EXD3: variants seen among roughly 807,000 people sequenced by gnomAD.
EXD3 encodes exonuclease mut-7 homolog.
In EXD3, 92 loss-of-function variants were observed where a neutral mutation model predicts 98.0. The ratio of observed to expected loss-of-function variants is 0.94; its 90% CI spans 0.79 to 1.12. The LOEUF is 1.12. EXD3 is among the 50% of genes most tolerant of loss of function. The probability of loss-of-function intolerance (pLI) is 0.00; values close to 1 mark genes in which losing one functional copy is unlikely to be tolerated. For synonymous variants in EXD3, 569 were observed against 526.0 expected (o/e 1.08, Z -1.12); for missense variants, 1,222 against 1,191.6 (o/e 1.03, Z -0.38).
rs1047092594 is a variant in EXD3, at chr9:137,366,368, C to A, written c.656+125G>T. 4 of 1,388,814 alleles carry A rather than the reference C, an allele frequency of 2.9e-6. No homozygotes were observed. The Admixed American group carries it at 6.0e-5, about 21-fold the overall frequency. 86.0% of individuals were successfully genotyped at this position (1,388,814 alleles called of 1,614,324 possible). A position where few individuals can be genotyped will look rare whatever the true frequency, so the allele number is the denominator to read the frequency against. On this transcript the variant is annotated intron_variant, in intron 7 of 21. Coordinates refer to ENST00000340951, the MANE Select transcript of EXD3 (RefSeq NM_017820.5). ...AGCTGCAGTCACATGGCAGCTGTGA[C>A]CCAAACACCAGAACTTCCTGGGGAG...
chr9:137,399,091 G>A (rs966719875), intron 1 of EXD3, among the ~76,000 whole-genome samples: 4 of 152,218 alleles, frequency 2.6e-5, no homozygotes, highest in African/African-American at 7.2e-5. Context: ...CATGACACAC[G>A]CACACTGCAC....
chr9:137,372,630 G>T (rs576214566), intron 5 of EXD3, among the ~76,000 whole-genome samples: 1 of 152,350 alleles, frequency 6.6e-6, no homozygotes, highest in East Asian at 1.9e-4. Flanking sequence ...TGAGGGCCCA[G>T]TGCATGCTGG....
intron 19 of EXD3, among the ~76,000 whole-genome samples, chr9:137,311,294 G>T (rs1226376594): frequency 6.6e-6 from 1 of 152,240 alleles, no homozygotes; most frequent in African/African-American, 2.4e-5. Flanking sequence ...GGTCCAGCAG[G>T]CTTCCTGGGC....
chr9:137,367,877 A>C, intron 6 of EXD3, 59 bp downstream of exon 6: 1 of 1,526,016 alleles, frequency 6.6e-7, no homozygotes, highest in Non-Finnish European at 9.0e-7. Flanking sequence ...CACTGTTTAT[A>C]GAGACCTGGG....
intron 17 of EXD3, among the ~76,000 whole-genome samples, chr9:137,331,593 A>C (rs1833065260): frequency 6.6e-6 from 1 of 152,152 alleles, no homozygotes; most frequent in South Asian, 2.1e-4. Context: ...TGCACAAATC[A>C]GTAGCACAAC....
intron 1 of EXD3, among the ~76,000 whole-genome samples, chr9:137,413,189 C>A (rs544505461): frequency 3.3e-5 from 5 of 152,210 alleles, no homozygotes; most frequent in African/African-American, 1.2e-4. Context: ...GTCACCATCA[C>A]CACTATCCAA....
intron 10 of EXD3, chr9:137,353,651 C>T (rs1028768347): frequency 9.1e-6 from 9 of 985,688 alleles, no homozygotes; most frequent in South Asian, 9.4e-5. Context: ...TACAGGCCTG[C>T]GGGACCCTCA....
rs145569417 is a variant in EXD3 at position 137,326,693 on chromosome 9, A to G, written c.1999-2550T>C. Among the ~76,000 whole-genome samples the G allele has an allele frequency of 4.4e-3, 674 of 152,310 alleles. 4 individuals are homozygous for G. Among genetic ancestry groups the G allele is most frequent in the African/African-American group, 0.016 (646 of 41,562 alleles). On this transcript the variant is annotated intron_variant, in intron 17 of 21. Coordinates refer to ENST00000340951, the MANE Select transcript of EXD3 (RefSeq NM_017820.5). ...CCATTAGGGTGGCCTTTATAAAAAAAAAGGGAAATAAATGTTGGTGGGATG... is the reference window on the plus strand; with the variant it reads ...CCATTAGGGTGGCCTTTATAAAAAAGAAGGGAAATAAATGTTGGTGGGATG...
In EXD3 at chr9:137,385,753, T is replaced by TG. The variant is rs1836561445; in HGVS notation, c.56-2377dup. ...TTCACCATGTTGGCCAGGCTGGTCT[T>TG]GAACTCCTGAGCTCAATTGGTCCGT... On this transcript the variant is annotated intron_variant, in intron 2 of 21. Coordinates refer to ENST00000340951, the MANE Select transcript of EXD3 (RefSeq NM_017820.5). The surrounding 1 kb of genome is among the most constrained non-coding windows in gnomAD (Gnocchi z 4.4). 6.6e-6 allele frequency among the ~76,000 whole-genome samples: 1 copy of TG among 152,054 alleles called. No homozygotes were observed. The highest frequency in any genetic ancestry group is 2.4e-5 in the African/African-American group (1 of 41,424).
intron 5 of EXD3, among the ~76,000 whole-genome samples, chr9:137,368,426 C>T (rs978991555): frequency 6.6e-6 from 1 of 152,186 alleles, no homozygotes; most frequent in Non-Finnish European, 1.5e-5. Context: ...GGCTGAGGAC[C>T]CCCAGCCTCA....
rs1167214249 is a variant in EXD3, at chr9:137,395,433, A to G, written c.-47-29T>C. 1.2e-6 allele frequency: 2 copies of G among 1,603,696 alleles called. No homozygotes were observed. The highest frequency in any genetic ancestry group is 1.7e-6 in the Non-Finnish European group (2 of 1,173,030). ...CAGAAACAGACAATCAGGTGAATGC[A>G]GAGCCCACTGCAACAGGCAGCCATG... On this transcript the variant is annotated intron_variant, in intron 1 of 21. Transcript: ENST00000340951. This position sits in a 1 kb window ranked among gnomAD's most constrained non-coding sequence, Gnocchi z 6.5.
At position 137,352,605 on chromosome 9, in the gene EXD3, C is replaced by G. The variant is rs1045601128; in HGVS notation, c.1037+15G>C. 1 of 1,531,922 alleles carries G rather than the reference C, an allele frequency of 6.5e-7. No homozygotes were observed. Among genetic ancestry groups the G allele is most frequent in the African/African-American group, 1.4e-5 (1 of 72,594 alleles). The allele number at this position is 1,531,922 out of a possible 1,614,324, so 94.9% of individuals were successfully genotyped here. ...GGAACCCACCCCTGGCTGGGGTCAC[C>G]CTGGCGGCGCTCACCTCCCCTGGAG... On this transcript the variant is annotated intron_variant, in intron 11 of 21. Coordinates refer to ENST00000340951, the MANE Select transcript of EXD3 (RefSeq NM_017820.5).
chr9:137,421,528 T>C (rs1166291647), intron 1 of EXD3, among the ~76,000 whole-genome samples: 1 of 152,244 alleles, frequency 6.6e-6, no homozygotes, highest in Non-Finnish European at 1.5e-5. Context: ...CTGAACAATC[T>C]TCTGGCTACA....
rs1203847689 is a variant in EXD3, at chr9:137,385,466, T to C, written c.56-2089A>G. ...CACGATCATGTGCCGAGCCGCATCA[T>C]GTGCTCTGCGTTCCTTCCTACACAT... On this transcript the variant is annotated intron_variant, in intron 2 of 21. Coordinates refer to ENST00000340951, the MANE Select transcript of EXD3 (RefSeq NM_017820.5). The surrounding 1 kb of genome is among the most constrained non-coding windows in gnomAD (Gnocchi z 4.4). 6.6e-6 allele frequency among the ~76,000 whole-genome samples: 1 copy of C among 152,234 alleles called. No homozygotes were observed. The highest frequency in any genetic ancestry group is 1.5e-5 in the Non-Finnish European group (1 of 68,050).
intron 6 of EXD3, chr9:137,367,609 C>A (rs1053069237): frequency 3.3e-6 from 1 of 302,396 alleles, no homozygotes. Flanking sequence ...AGAGGAGGGT[C>A]CCAGAAGCAC....
chr9:137,406,841 C>T (rs903483894), intron 1 of EXD3, among the ~76,000 whole-genome samples: 2 of 152,138 alleles, frequency 1.3e-5, no homozygotes, highest in Non-Finnish European at 2.9e-5. Context: ...AGCCCCCACC[C>T]CTCCCTTCCA....
intron 3 of EXD3, among the ~76,000 whole-genome samples, chr9:137,376,343 CAAA>C (rs765888922): frequency 2.5e-5 from 1 of 39,956 alleles, no homozygotes. Context: ...GACTCTGTCT[CAAA>C]AAAAAAAAAA....
intron 3 of EXD3, among the ~76,000 whole-genome samples, chr9:137,375,157 C>T (rs570022637): frequency 1.1e-4 from 16 of 152,292 alleles, no homozygotes; most frequent in South Asian, 8.3e-4. Context: ...TATAGGCGCG[C>T]GCCACCATGC....
rs778241014 is a variant in EXD3, at chr9:137,354,710, C to T, written c.821G>A (p.Arg274Gln). The change falls in exon 9 of 22, where the codon CGG (arginine) becomes CAG (glutamine). Residue 274 changes from arginine to glutamine, a missense_variant. Arg to Gln is a conservative substitution (Grantham distance 43, BLOSUM62 1). Coordinates refer to ENST00000340951, the MANE Select transcript of EXD3 (RefSeq NM_017820.5). Reference sequence around the variant, plus strand: ...CTCCTGCTCACGAACCTCCACAAACCGCTTGTGGCACAGGTGCCGCAGGGC... The same window carrying T: ...CTCCTGCTCACGAACCTCCACAAACTGCTTGTGGCACAGGTGCCGCAGGGC... ...LAALRHLCHK[R>Q]FVEKSLSQEN... 5.4e-5 allele frequency: 87 copies of T among 1,610,826 alleles called. No individual in the cohort carries two copies. Among genetic ancestry groups the T allele is most frequent in the East Asian group, 5.3e-4 (24 of 44,896 alleles).
Sources: gnomAD v4.1 joint callset for allele counts (sites outside exome capture counted in the v4.1 genomes callset) on GRCh38, gnomAD v4.1.1 for gene constraint, Gnocchi (gnomAD v3.1) non-coding constraint, MANE v1.5 for transcripts, NCBI Gene and HGNC (gene_info 2026-07-23, HGNC 2026-07-21) for gene names.